Variants in SFT2D2 observed in about 807,000 individuals in gnomAD.
SFT2D2 encodes the protein SFT2 domain containing 2.
In SFT2D2, 21 loss-of-function variants were observed where a neutral mutation model predicts 27.4. That is an observed-to-expected ratio of 0.77 (90% CI 0.54 to 1.10). The LOEUF is 1.10. Among genes scored for constraint, SFT2D2 ranks in the 50% least tolerant of loss-of-function variants. The pLI is 0.00. For synonymous variants in SFT2D2, 72 were observed against 71.7 expected (o/e 1.00, Z -0.02); for missense variants, 187 against 194.2 (o/e 0.96, Z 0.22).
intron 6 of SFT2D2, among the ~76,000 whole-genome samples, chr1:168,237,552 C>A (rs1045894833): frequency 2.8e-4 from 43 of 152,132 alleles, no homozygotes; most frequent in African/African-American, 1.0e-3. Context: ...TCTGCCAGAA[C>A]AGTTTCAGTA....
intron 2 of SFT2D2, 101 bp from the exon 3 acceptor site, chr1:168,231,733 T>C: frequency 6.9e-6 from 10 of 1,441,268 alleles, no homozygotes; most frequent in South Asian, 4.6e-5. Flanking sequence ...ATAAGGGAGG[T>C]GGGGAGGGAA....
At chr1:168,228,656 G>C (rs1490681183) in intron 1 of SFT2D2, among the ~76,000 whole-genome samples, 1 of 152,148 alleles carries the variant, frequency 6.6e-6, no homozygotes, top group Non-Finnish European at 1.5e-5. Flanking sequence ...AAATGAAGCA[G>C]TATTTCTTTC....
At chr1:168,236,280 T>G (rs971261272) in intron 4 of SFT2D2, among the ~76,000 whole-genome samples, 3 of 152,224 alleles carry the variant, frequency 2.0e-5, no homozygotes, top group African/African-American at 7.2e-5. Flanking sequence ...TAAGCTTACT[T>G]TAGTGCATTT....
chr1:168,252,508 G>GT lies in SFT2D2; in HGVS notation c.*9971dup, dbSNP rs561620487. 9.9e-5 allele frequency: 15 copies of GT among 152,100 alleles called. No homozygotes were observed. The highest frequency in any genetic ancestry group is 2.1e-4 in the Non-Finnish European group (14 of 68,006). The allele number at this position is 152,100 out of a possible 1,614,324, so 9.4% of individuals were successfully genotyped here. A position where few individuals can be genotyped will look rare whatever the true frequency, so the allele number is the denominator to read the frequency against. On this transcript the variant is annotated 3_prime_UTR_variant, in exon 8 of 8. Coordinates refer to ENST00000271375, the MANE Select transcript of SFT2D2 (RefSeq NM_199344.3). ...TGTAATCTCCCAAGGGAGAGCTATG[G>GT]TTTACATTCAATTTTTTGGTCTTTC... is the stretch of plus-strand genomic sequence containing the variant.
In SFT2D2 at chr1:168,247,985, A is replaced by G. The variant is rs1419810719; in HGVS notation, c.*5445A>G. ...GCTGCATAAATATCTTCTTTTGAGA[A>G]GTGTCTATCCTTCGCCCACTTTTCG... On this transcript the variant is annotated 3_prime_UTR_variant, in exon 8 of 8. Coordinates refer to ENST00000271375, the MANE Select transcript of SFT2D2 (RefSeq NM_199344.3). The G allele has an allele frequency of 6.6e-6, 1 of 152,172 alleles. No homozygotes were observed. Among genetic ancestry groups the G allele is most frequent in the Non-Finnish European group, 1.5e-5 (1 of 68,020 alleles). 9.4% of individuals were successfully genotyped at this position (152,172 alleles called of 1,614,324 possible). A position where few individuals can be genotyped will look rare whatever the true frequency, so the allele number is the denominator to read the frequency against.
chr1:168,231,398 G>T, intron 1 of SFT2D2, 116 bp from the exon 2 acceptor site: 1 of 800,602 alleles, frequency 1.2e-6, no homozygotes, highest in Admixed American at 2.2e-5. Flanking sequence ...GAGTGTGTAG[G>T]ATTCTGTGCT....
In SFT2D2 at chr1:168,252,466, G is replaced by T. The variant is rs1231386146; in HGVS notation, c.*9926G>T. 1 of 152,198 alleles carries T rather than the reference G, an allele frequency of 6.6e-6. No individual in the cohort carries two copies. Among genetic ancestry groups the T allele is most frequent in the Non-Finnish European group, 1.5e-5 (1 of 68,038 alleles). The allele number at this position is 152,198 out of a possible 1,614,324, so 9.4% of individuals were successfully genotyped here. A position where few individuals can be genotyped will look rare whatever the true frequency, so the allele number is the denominator to read the frequency against. ...AGTTATGAGCCTTGTTCTAAGTACA[G>T]ATGAACCTTGTATTTGTGTAATCTC... On this transcript the variant is annotated 3_prime_UTR_variant, in exon 8 of 8. Coordinates refer to ENST00000271375, the MANE Select transcript of SFT2D2 (RefSeq NM_199344.3).
chr1:168,238,382 A>G (rs1210278452), intron 6 of SFT2D2, among the ~76,000 whole-genome samples: 2 of 152,084 alleles, frequency 1.3e-5, no homozygotes, highest in Non-Finnish European at 2.9e-5. Context: ...TGTGCCAGGT[A>G]TGGGTGGCTC....
In SFT2D2 at chr1:168,243,317, G is replaced by A. The variant is rs1259522899; in HGVS notation, c.*777G>A. Reference sequence around the variant, plus strand: ...AAATGCTGCTGTTTTTTTTTTGGACGAGAGCCCATAGGAGTTGAAAAATCC... The same window carrying A: ...AAATGCTGCTGTTTTTTTTTTGGACAAGAGCCCATAGGAGTTGAAAAATCC... On this transcript the variant is annotated 3_prime_UTR_variant, in exon 8 of 8. Transcript: ENST00000271375. 6 of 149,524 alleles carry A rather than the reference G, an allele frequency of 4.0e-5. No individual in the cohort carries two copies. The highest frequency in any genetic ancestry group is 3.4e-4 in the Admixed American group (5 of 14,816). 9.3% of individuals were successfully genotyped at this position (149,524 alleles called of 1,614,324 possible).
At chr1:168,242,115 A>G (rs1361315913) in intron 7 of SFT2D2, among the ~76,000 whole-genome samples, 1 of 152,204 alleles carries the variant, frequency 6.6e-6, no homozygotes, top group Non-Finnish European at 1.5e-5. Flanking sequence ...GAATGAAGAA[A>G]GGTCCCAGTT....
In SFT2D2 at chr1:168,246,946, G is replaced by T; in HGVS notation, c.*4406G>T. 1 of 641,062 alleles carries T rather than the reference G, an allele frequency of 1.6e-6. No individual in the cohort carries two copies. Among genetic ancestry groups the T allele is most frequent in the Admixed American group, 2.0e-5 (1 of 50,810 alleles). The allele number at this position is 641,062 out of a possible 1,614,324, so 39.7% of individuals were successfully genotyped here. Reference sequence around the variant, plus strand: ...TTTATTGTGTGTATTTCCAGCCTGAGCCTGGCAATTTCATCTTGCATCAAA... The same window carrying T: ...TTTATTGTGTGTATTTCCAGCCTGATCCTGGCAATTTCATCTTGCATCAAA... On this transcript the variant is annotated 3_prime_UTR_variant, in exon 8 of 8. Coordinates refer to ENST00000271375, the MANE Select transcript of SFT2D2 (RefSeq NM_199344.3).
intron 1 of SFT2D2, among the ~76,000 whole-genome samples, chr1:168,226,758 GTC>G (rs1296872256): frequency 6.6e-6 from 1 of 152,200 alleles, no homozygotes; most frequent in African/African-American, 2.4e-5. Context: ...CCCACAACTA[GTC>G]TCTAGACACC....
Position 168,244,389 on chromosome 1 carries a change from A to T in SFT2D2, c.*1849A>T, listed in dbSNP as rs1647745697. 6.6e-6 allele frequency: 1 copy of T among 152,110 alleles called. No homozygotes were observed. The highest frequency in any genetic ancestry group is 1.9e-4 in the East Asian group (1 of 5,156). 9.4% of individuals were successfully genotyped at this position (152,110 alleles called of 1,614,324 possible). ...AGACAGGGTTTCACCATGTTGGCCAAGCTGGTCTGGAACTCCTGACCTCAG... is the reference window on the plus strand; with the variant it reads ...AGACAGGGTTTCACCATGTTGGCCATGCTGGTCTGGAACTCCTGACCTCAG... On this transcript the variant is annotated 3_prime_UTR_variant, in exon 8 of 8. Transcript: ENST00000271375.
chr1:168,236,696 A>G lies in SFT2D2; in HGVS notation c.355-16A>G. 1 of 1,613,872 alleles carries G rather than the reference A, an allele frequency of 6.2e-7. No homozygotes were observed. Reference sequence around the variant, plus strand: ...TTGTCTCACACTCTCCTATAACCATATTATTATTTTTCCAGTGGCATAACA... The same window carrying G: ...TTGTCTCACACTCTCCTATAACCATGTTATTATTTTTCCAGTGGCATAACA... On this transcript the variant is annotated splice_polypyrimidine_tract_variant and intron_variant, in intron 5 of 7. Coordinates refer to ENST00000271375, the MANE Select transcript of SFT2D2 (RefSeq NM_199344.3).
At chr1:168,239,508 G>C (rs1201430660) in intron 7 of SFT2D2, among the ~76,000 whole-genome samples, 2 of 145,328 alleles carry the variant, frequency 1.4e-5, no homozygotes, top group Admixed American at 1.4e-4. Context: ...ATATCACTGA[G>C]TAAGATATGG....
Position 168,226,054 on chromosome 1 carries a change from C to G in SFT2D2, c.-26C>G. The G allele has an allele frequency of 6.6e-7, 1 of 1,504,056 alleles. No individual in the cohort carries two copies. The highest frequency in any genetic ancestry group is 1.3e-5 in the South Asian group (1 of 78,816). 93.2% of individuals were successfully genotyped at this position (1,504,056 alleles called of 1,614,324 possible). On this transcript the variant is annotated 5_prime_UTR_variant, in exon 1 of 8. Transcript: ENST00000271375. ...AGCGCAACAGGCTGCCGCTGAGGAGCTGGAGCTGGTGGGGACTGGGCCGCA... is the reference window on the plus strand; with the variant it reads ...AGCGCAACAGGCTGCCGCTGAGGAGGTGGAGCTGGTGGGGACTGGGCCGCA...
At position 168,252,405 on chromosome 1, in the gene SFT2D2, G is replaced by A. The variant is rs1194959591; in HGVS notation, c.*9865G>A. 2 of 152,214 alleles carry A rather than the reference G, an allele frequency of 1.3e-5. No individual in the cohort carries two copies. The highest frequency in any genetic ancestry group is 2.9e-5 in the Non-Finnish European group (2 of 68,040). The allele number at this position is 152,214 out of a possible 1,614,324, so 9.4% of individuals were successfully genotyped here. ...TGCAGCTGGTATTTGGGTGAATGTTGTTGCTCTGTGCCTGTTGAATGTCCA... is the reference window on the plus strand; with the variant it reads ...TGCAGCTGGTATTTGGGTGAATGTTATTGCTCTGTGCCTGTTGAATGTCCA... On this transcript the variant is annotated 3_prime_UTR_variant, in exon 8 of 8. Transcript: ENST00000271375.
chr1:168,231,186 G>A (rs925839204), intron 1 of SFT2D2, among the ~76,000 whole-genome samples: 11 of 152,144 alleles, frequency 7.2e-5, no homozygotes, highest in African/African-American at 9.7e-5. Flanking sequence ...TCCTGCCTGG[G>A]TTGTAGGAAG....
chr1:168,231,696 A>G, intron 2 of SFT2D2, 96 bp downstream of exon 2: 1 of 1,455,296 alleles, frequency 6.9e-7, no homozygotes, highest in South Asian at 1.1e-5. Context: ...GCCCTTCACT[A>G]AAATGCATGG....
Sources: allele counts gnomAD v4.1 joint callset (sites outside exome capture counted in the v4.1 genomes callset), GRCh38; gene constraint gnomAD v4.1.1; transcripts MANE v1.5; gene names NCBI Gene and HGNC (gene_info 2026-07-23, HGNC 2026-07-21).